Variants in CFAP92 observed in about 807,000 individuals in gnomAD.
CFAP92 encodes the protein cilia and flagella associated protein 92 (putative), also known as uncharacterized protein CFAP92.
CFAP92 carries 86 observed loss-of-function variants against 106.3 expected under a neutral mutation model. That is an observed-to-expected ratio of 0.81 (90% CI 0.68 to 0.97). The LOEUF (loss-of-function observed/expected upper bound fraction) is 0.97. Ranked by LOEUF, CFAP92 falls within the 50% of genes least tolerant of loss-of-function variation. The probability of loss-of-function intolerance (pLI) is 0.00; values close to 1 mark genes in which losing one functional copy is unlikely to be tolerated. For missense variants in CFAP92, 1,204 were observed against 1,283.8 expected, an observed-to-expected ratio of 0.94 and a Z score of 0.95; for synonymous variants, 477 against 506.4, an observed-to-expected ratio of 0.94 and a Z score of 0.78.
upstream of CFAP92, among the ~76,000 whole-genome samples, chr3:129,005,244 A>G (rs555790569): frequency 2.2e-4 from 34 of 152,260 alleles, no homozygotes; most frequent in Middle Eastern, 3.4e-3. Context: ...GAGGTGGGGG[A>G]CACTCATCAG....
At chr3:128,961,417 G>A (rs1576535916) in intron 9 of CFAP92, among the ~76,000 whole-genome samples, 1 of 151,942 alleles carries the variant, frequency 6.6e-6, no homozygotes, top group Admixed American at 6.6e-5. Context: ...GCCGAGCTAG[G>A]TCCCAATTCT....
rs1166567914 is a variant in CFAP92, at chr3:128,945,276, C to T, written c.2053G>A (p.Ala685Thr). 1.2e-5 allele frequency: 18 copies of T among 1,536,014 alleles called. No homozygotes were observed. The highest frequency in any genetic ancestry group is 1.7e-4 in the Middle Eastern group (1 of 6,012). The change falls in exon 10 of 16, where the codon GCT (alanine) becomes ACT (threonine). Residue 685 changes from alanine (A) to threonine (T), a missense_variant. Ala to Thr is a moderately conservative substitution (Grantham distance 58). Transcript: ENST00000645291. Reference protein sequence around the residue: ...SLLQDITMINAKALGLDSYPV... With the variant: ...SLLQDITMINTKALGLDSYPV... The stretch of plus-strand genomic sequence containing the variant: ...TAGGAGTCCAGGCCGAGGGCCTTAG[C>T]GTTGATCATGGTGATGTCCTGCAGC...
intron 15 of CFAP92, among the ~76,000 whole-genome samples, chr3:128,912,226 A>T (rs1053780452): frequency 5.5e-4 from 83 of 152,286 alleles, no homozygotes; most frequent in African/African-American, 2.0e-3. Flanking sequence ...AGTGGGCTGG[A>T]ATCACAGATG....
upstream of CFAP92, among the ~76,000 whole-genome samples, chr3:129,004,541 C>G (rs1559955719): frequency 6.7e-6 from 1 of 149,626 alleles, no homozygotes; most frequent in Non-Finnish European, 1.5e-5. Flanking sequence ...CCCCCACCCA[C>G]CCAGCCAGCC....
At chr3:129,018,086 T>C in the CFAP92 span, among the ~76,000 whole-genome samples, 1 of 152,174 alleles carries the variant, frequency 6.6e-6, no homozygotes, top group Non-Finnish European at 1.5e-5. Context: ...GGTCTTTTTA[T>C]CCCCAGCCAG....
chr3:128,959,506 T>G (rs1941704409), intron 9 of CFAP92, among the ~76,000 whole-genome samples: 1 of 152,132 alleles, frequency 6.6e-6, no homozygotes, highest in Admixed American at 6.6e-5. Context: ...GAGGATGCAC[T>G]CCAGCAAAAC....
At chr3:128,916,648 C>G (rs1936839887) in intron 12 of CFAP92, among the ~76,000 whole-genome samples, 1 of 152,198 alleles carries the variant, frequency 6.6e-6, no homozygotes, top group Non-Finnish European at 1.5e-5. Context: ...CCATCCTTGA[C>G]CATGGTTAAC....
upstream of CFAP92, among the ~76,000 whole-genome samples, chr3:128,996,911 C>T (rs1944500844): frequency 6.6e-6 from 1 of 152,238 alleles, no homozygotes; most frequent in African/African-American, 2.4e-5. Flanking sequence ...CTCCTCATAG[C>T]CCGGCCTGGC....
chr3:128,956,196 T>TAAAAAAAAAAAAAAAAAAAAAAAAAAA (rs577724635), intron 9 of CFAP92, among the ~76,000 whole-genome samples: 3 of 61,712 alleles, frequency 4.9e-5, no homozygotes, highest in Admixed American at 1.5e-4. Context: ...AAAAAAAAAA[T>TAAAAAAAAAAAAAAAAAAAAAAAAAAA]AAAAAAAAAA....
At chr3:128,924,237 T>G (rs1937521223) in intron 12 of CFAP92, among the ~76,000 whole-genome samples, 1 of 151,792 alleles carries the variant, frequency 6.6e-6, no homozygotes, top group Non-Finnish European at 1.5e-5. Flanking sequence ...CTCATGGCCT[T>G]TGGAACACCA....
intron 12 of CFAP92, among the ~76,000 whole-genome samples, chr3:128,918,940 ATTTTTTTTT>A (rs10573280): frequency 9.4e-6 from 1 of 105,860 alleles, no homozygotes; most frequent in East Asian, 3.1e-4. Flanking sequence ...CTCAGATTGG[ATTTTTTTTT>A]TTTTTTTTTT....
intron 1 of CFAP92, chr3:129,001,628 G>A (rs1316741781): frequency 2.2e-6 from 3 of 1,358,588 alleles, no homozygotes; most frequent in East Asian, 3.0e-5. Context: ...GCGGCGCAGC[G>A]ATGGAGCCGG....
intron 15 of CFAP92, 176 bp downstream of exon 15, chr3:128,914,943 C>G: frequency 1.6e-6 from 1 of 637,958 alleles, no homozygotes; most frequent in Admixed American, 3.0e-5. Flanking sequence ...GGTCTGAGTT[C>G]CAGCCCAGCA....
intron 9 of CFAP92, among the ~76,000 whole-genome samples, chr3:128,964,091 T>C (rs185049335): frequency 4.0e-5 from 6 of 151,210 alleles, no homozygotes; most frequent in Admixed American, 6.6e-5. Context: ...AGTCTGATAA[T>C]AGACCAGCCT....
At chr3:128,942,083 C>G (rs1195810353) in intron 10 of CFAP92, among the ~76,000 whole-genome samples, 1 of 152,190 alleles carries the variant, frequency 6.6e-6, no homozygotes, top group Non-Finnish European at 1.5e-5. Flanking sequence ...ACCGCCCTTA[C>G]TTCTGACGCC....
chr3:128,951,359 G>C (rs1245398050), intron 9 of CFAP92, among the ~76,000 whole-genome samples: 1 of 152,160 alleles, frequency 6.6e-6, no homozygotes, highest in Non-Finnish European at 1.5e-5. Context: ...GGTGCTGAAG[G>C]ATGTGGGCTT....
At chr3:129,009,391 G>A in the CFAP92 span, among the ~76,000 whole-genome samples, 8 of 152,156 alleles carry the variant, frequency 5.3e-5, no homozygotes, top group Non-Finnish European at 1.0e-4. Context: ...CTCTCCCCCA[G>A]TAGCCCTTGG....
chr3:128,983,428 G>A (rs1310363516), intron 4 of CFAP92, among the ~76,000 whole-genome samples: 1 of 152,196 alleles, frequency 6.6e-6, no homozygotes, highest in African/African-American at 2.4e-5. Flanking sequence ...TAACTTTCCT[G>A]TGGTCAGAGA....
At chr3:129,006,569 G>C (rs1445619395), upstream of CFAP92, among the ~76,000 whole-genome samples, 1 of 152,178 alleles carries the variant, frequency 6.6e-6, no homozygotes, top group Non-Finnish European at 1.5e-5. Flanking sequence ...GCTTGCCTTG[G>C]CCTCCCAAAG....
Sources: gnomAD v4.1 joint callset for allele counts (sites outside exome capture counted in the v4.1 genomes callset) on GRCh38, gnomAD v4.1.1 for gene constraint, MANE v1.5 for transcripts, NCBI Gene and HGNC (gene_info 2026-07-23, HGNC 2026-07-21) for gene names.